The following CDC14B variants were observed in gnomAD, a reference collection of about 807,000 sequenced individuals.
CDC14B encodes dual specificity protein phosphatase CDC14B.
CDC14B carries 22 observed loss-of-function variants against 64.2 expected under a neutral mutation model. The observed-to-expected ratio is 0.34, with a 90% CI of 0.24 to 0.49. The LOEUF is 0.49. Ranked by LOEUF, CDC14B falls within the 20% of genes least tolerant of loss-of-function variation. CDC14B has a pLI of 0.99. For synonymous variants in CDC14B, 191 were observed against 215.8 expected (o/e 0.89, Z 1.01); for missense variants, 498 against 629.9 (o/e 0.79, Z 2.24).
intron 6 of CDC14B, 63 bp from the exon 7 acceptor site, chr9:96,539,203 A>G (rs1004520474): frequency 8.8e-6 from 10 of 1,142,686 alleles, no homozygotes; most frequent in Non-Finnish European, 1.3e-5. Flanking sequence ...TTCCTATCCA[A>G]TTTCAGAATA....
In CDC14B at chr9:96,503,485, G is replaced by A. The variant is rs1462505466; in HGVS notation, c.*268C>T. The A allele has an allele frequency of 1.7e-5, 8 of 478,244 alleles. 1 individual carries two copies. The South Asian group carries it at 1.7e-4, about 10-fold the overall frequency. The allele number at this position is 478,244 out of a possible 1,614,324, so 29.6% of individuals were successfully genotyped here. A position where few individuals can be genotyped will look rare whatever the true frequency, so the allele number is the denominator to read the frequency against. ...CCAGCCAGCTCCCTGGGTACCAGAG[G>A]GCTTGGGTATTTACACCTGAGACTA... On this transcript the variant is annotated 3_prime_UTR_variant, in exon 14 of 14. Coordinates refer to ENST00000375241, the MANE Select transcript of CDC14B (RefSeq NM_033331.4).
At chr9:96,536,020 T>A (rs905365673) in intron 7 of CDC14B, among the ~76,000 whole-genome samples, 28 of 152,252 alleles carry the variant, frequency 1.8e-4, no homozygotes, top group African/African-American at 6.8e-4. Context: ...AAACCCGTGA[T>A]CAGTTGTTGG....
chr9:96,492,929 A>G (rs1833124297), exon 14 of CDC14B: 1 of 152,262 alleles, frequency 6.6e-6, no homozygotes. Flanking sequence ...AGACCCCTCT[A>G]GCCTAATGTT....
chr9:96,529,528 G>A (rs952369375), intron 9 of CDC14B, among the ~76,000 whole-genome samples: 5 of 134,696 alleles, frequency 3.7e-5, no homozygotes, highest in Non-Finnish European at 6.1e-5. Flanking sequence ...ATCTCACTAC[G>A]TCACCCAGGC....
At chr9:96,499,194 T>G (rs746909382), downstream of CDC14B, among the ~76,000 whole-genome samples, 4 of 152,152 alleles carry the variant, frequency 2.6e-5, no homozygotes, top group Non-Finnish European at 4.4e-5. Context: ...GGGGGTCATG[T>G]GTGGTGTGGA....
intron 1 of CDC14B, among the ~76,000 whole-genome samples, chr9:96,597,292 G>A (rs1298580126): frequency 1.3e-5 from 2 of 152,022 alleles, no homozygotes; most frequent in East Asian, 1.9e-4. Context: ...TCAGGAGTTC[G>A]AGATGAGCCT....
chr9:96,537,536 CT>C (rs1839448083), intron 7 of CDC14B, among the ~76,000 whole-genome samples: 1 of 152,122 alleles, frequency 6.6e-6, no homozygotes, highest in Non-Finnish European at 1.5e-5. Flanking sequence ...TAAGATTACA[CT>C]TTTCTGATCA....
chr9:96,602,610 A>G (rs1158377428), intron 1 of CDC14B, among the ~76,000 whole-genome samples: 1 of 152,102 alleles, frequency 6.6e-6, no homozygotes, highest in Non-Finnish European at 1.5e-5. Flanking sequence ...AGACTTATTC[A>G]CTATCATGAG....
intron 12 of CDC14B, among the ~76,000 whole-genome samples, chr9:96,512,910 AGAC>A (rs1337068787): frequency 3.3e-5 from 5 of 152,086 alleles, no homozygotes; most frequent in African/African-American, 1.2e-4. Flanking sequence ...CCAAAAGTAC[AGAC>A]AACAATCACA....
chr9:96,574,906 A>C (rs1844713549), intron 1 of CDC14B, among the ~76,000 whole-genome samples: 1 of 152,194 alleles, frequency 6.6e-6, no homozygotes, highest in South Asian at 2.1e-4. Context: ...GAGTGAGATA[A>C]GAAATGCACA....
At chr9:96,551,381 C>T (rs1295676773) in intron 5 of CDC14B, among the ~76,000 whole-genome samples, 1 of 151,988 alleles carries the variant, frequency 6.6e-6, no homozygotes, top group Non-Finnish European at 1.5e-5. Flanking sequence ...CTTGGCATTC[C>T]AATATGCTGG....
At chr9:96,522,296 C>T (rs764585810) in intron 12 of CDC14B, among the ~76,000 whole-genome samples, 203 of 152,296 alleles carry the variant, frequency 1.3e-3, no homozygotes, top group Non-Finnish European at 2.4e-3. Flanking sequence ...CGCCTTCCCA[C>T]CCATAAAGGC....
chr9:96,617,002 A>G (rs554713901), intron 1 of CDC14B, among the ~76,000 whole-genome samples: 1 of 152,222 alleles, frequency 6.6e-6, no homozygotes, highest in Admixed American at 6.5e-5. Context: ...TCACTGAGGG[A>G]CACCTAGAGA....
At chr9:96,614,061 A>C (rs886694968) in intron 1 of CDC14B, among the ~76,000 whole-genome samples, 3 of 152,156 alleles carry the variant, frequency 2.0e-5, no homozygotes, top group African/African-American at 7.2e-5. Flanking sequence ...GACCTCAATT[A>C]GTGTTTTTCC....
chr9:96,572,341 G>C (rs1416385519), intron 1 of CDC14B, among the ~76,000 whole-genome samples: 2 of 152,204 alleles, frequency 1.3e-5, no homozygotes, highest in Non-Finnish European at 2.9e-5. Context: ...GCCCGGACTT[G>C]TGACTTGTGG....
intron 1 of CDC14B, among the ~76,000 whole-genome samples, chr9:96,605,738 G>C (rs546453204): frequency 1.2e-3 from 181 of 152,236 alleles, no homozygotes; most frequent in African/African-American, 4.2e-3. Flanking sequence ...GCTCATGCCT[G>C]TAATCTCAGC....
chr9:96,494,002 G>A (rs768790725), intron 13 of CDC14B, among the ~76,000 whole-genome samples: 14 of 152,174 alleles, frequency 9.2e-5, no homozygotes, highest in Non-Finnish European at 2.9e-5. Flanking sequence ...TCCGAAGGAT[G>A]CCCCTCCTCC....
At chr9:96,494,921 G>A (rs1250344962) in intron 13 of CDC14B, among the ~76,000 whole-genome samples, 1 of 150,480 alleles carries the variant, frequency 6.6e-6, no homozygotes, top group African/African-American at 2.5e-5. Context: ...TGCAAGCTCT[G>A]TCTCCCGGGT....
chr9:96,565,523 C>CA (rs750010736), intron 1 of CDC14B, 40 bp from the exon 2 acceptor site: 7 of 1,312,950 alleles, frequency 5.3e-6, no homozygotes, highest in Admixed American at 1.7e-5. Context: ...CTGGAGGTTA[C>CA]AAAAAACGTT....
Sources: gnomAD v4.1 joint callset for allele counts (sites outside exome capture counted in the v4.1 genomes callset) on GRCh38, gnomAD v4.1.1 for gene constraint, MANE v1.5 for transcripts, NCBI Gene and HGNC (gene_info 2026-07-23, HGNC 2026-07-21) for gene names.